Variants in SEMA5A observed in about 807,000 individuals in gnomAD.
SEMA5A encodes semaphorin 5A.
Under a neutral mutation model 135.5 loss-of-function variants are expected in SEMA5A, and 55 were observed. The observed-to-expected ratio is 0.41, with a 90% confidence interval of 0.33 to 0.51. The LOEUF is 0.51. Among genes scored for constraint, SEMA5A ranks in the 20% least tolerant of loss-of-function variants. The pLI is 0.37. For synonymous variants in SEMA5A, 580 were observed against 546.5 expected, an observed-to-expected ratio of 1.06 and a Z score of -0.85; for missense variants, 1,290 against 1,419.9, an observed-to-expected ratio of 0.91 and a Z score of 1.47.
intron 1 of SEMA5A, among the ~76,000 whole-genome samples, chr5:9,541,755 C>T (rs1460731658): frequency 2.0e-5 from 3 of 152,152 alleles, no homozygotes; most frequent in Non-Finnish European, 4.4e-5. Flanking sequence ...TTTTCTTGAT[C>T]CACTGTTGTG....
intron 1 of SEMA5A, among the ~76,000 whole-genome samples, chr5:9,501,192 T>C (rs939018856): frequency 4.4e-4 from 67 of 152,236 alleles, no homozygotes; most frequent in African/African-American, 1.5e-3. Context: ...AGCAGTTTCA[T>C]GCAATTGTGT....
intron 4 of SEMA5A, among the ~76,000 whole-genome samples, chr5:9,330,165 C>T (rs574073197): frequency 6.6e-6 from 1 of 151,474 alleles, no homozygotes; most frequent in Non-Finnish European, 1.5e-5. Flanking sequence ...CCGAGGTGGG[C>T]GGATCGCCAG....
chr5:9,385,859 C>T (rs2387552), intron 2 of SEMA5A, among the ~76,000 whole-genome samples: 13,122 of 138,356 alleles, frequency 0.095, 646 homozygotes, highest in Middle Eastern at 0.12. Context: ...TGGAGTGCAA[C>T]GGCATGATCT....
intron 17 of SEMA5A, 102 bp downstream of exon 17, chr5:9,066,319 A>C: frequency 9.0e-7 from 1 of 1,108,336 alleles, no homozygotes; most frequent in African/African-American, 1.5e-5. Flanking sequence ...TAAGCCATAA[A>C]TAACCAAAAA....
At chr5:9,425,704 TAA>T (rs1440060478) in intron 2 of SEMA5A, among the ~76,000 whole-genome samples, 1 of 152,192 alleles carries the variant, frequency 6.6e-6, no homozygotes, top group Non-Finnish European at 1.5e-5. Context: ...CTCAGTGAAA[TAA>T]AACCAAGATT....
intron 5 of SEMA5A, among the ~76,000 whole-genome samples, chr5:9,274,723 G>A (rs1360980755): frequency 6.6e-6 from 1 of 152,170 alleles, no homozygotes; most frequent in Non-Finnish European, 1.5e-5. Flanking sequence ...ACCTGCTCCT[G>A]AATGACCACT....
At position 9,037,540 on chromosome 5, in the gene SEMA5A, A is replaced by G. The variant is rs188564096; in HGVS notation, c.*5357T>C. The G allele has an allele frequency of 2.0e-5, 3 of 152,346 alleles. No homozygotes were observed. The highest frequency in any genetic ancestry group is 1.9e-4 in the East Asian group (1 of 5,184). 9.4% of individuals were successfully genotyped at this position (152,346 alleles called of 1,614,324 possible). A position where few individuals can be genotyped will look rare whatever the true frequency, so the allele number is the denominator to read the frequency against. On this transcript the variant is annotated 3_prime_UTR_variant, in exon 23 of 23. Coordinates refer to ENST00000382496, the MANE Select transcript of SEMA5A (RefSeq NM_003966.3). ...TATCTTTGATCTATCTGCTAAAACA[A>G]TGTGTACAATGCATCTTTAATATAA... is the stretch of plus-strand genomic sequence containing the variant.
At chr5:9,051,491 G>C (rs952059730) in intron 20 of SEMA5A, among the ~76,000 whole-genome samples, 4 of 152,156 alleles carry the variant, frequency 2.6e-5, no homozygotes, top group Admixed American at 2.6e-4. Flanking sequence ...TAAAGAGAAT[G>C]GTGCTTTTTC....
chr5:9,325,381 T>C (rs552648195), intron 4 of SEMA5A, among the ~76,000 whole-genome samples: 2 of 152,280 alleles, frequency 1.3e-5, no homozygotes, highest in South Asian at 4.1e-4. Flanking sequence ...ACAAAGCTAT[T>C]AAGTTTGGCA....
intron 2 of SEMA5A, among the ~76,000 whole-genome samples, chr5:9,385,248 C>A (rs374837391): frequency 6.6e-6 from 1 of 152,090 alleles, no homozygotes; most frequent in Non-Finnish European, 1.5e-5. Context: ...TCATTCACTC[C>A]CACGCTACAA....
At chr5:9,255,614 G>T (rs1388235317) in intron 5 of SEMA5A, among the ~76,000 whole-genome samples, 1 of 152,122 alleles carries the variant, frequency 6.6e-6, no homozygotes, top group Non-Finnish European at 1.5e-5. Context: ...ATCACTAGCT[G>T]CTCCTTCTCA....
At chr5:9,413,268 A>G (rs530909622) in intron 2 of SEMA5A, among the ~76,000 whole-genome samples, 14 of 151,896 alleles carry the variant, frequency 9.2e-5, no homozygotes, top group Admixed American at 5.9e-4. Flanking sequence ...AACACAGGCC[A>G]CTTATGACAG....
intron 3 of SEMA5A, among the ~76,000 whole-genome samples, chr5:9,372,628 G>T (rs772865293): frequency 3.3e-5 from 5 of 151,896 alleles, no homozygotes; most frequent in Non-Finnish European, 5.9e-5. Context: ...GTAGCTGTGG[G>T]AGACACATAG....
intron 3 of SEMA5A, among the ~76,000 whole-genome samples, chr5:9,360,394 T>C (rs568491232): frequency 9.2e-5 from 14 of 152,318 alleles, no homozygotes; most frequent in South Asian, 6.2e-4. Context: ...AAAATACATA[T>C]AATTGAGAAA....
chr5:9,231,404 T>G (rs539579892), intron 6 of SEMA5A, among the ~76,000 whole-genome samples: 3 of 133,114 alleles, frequency 2.3e-5, no homozygotes, highest in African/African-American at 8.7e-5. Context: ...GAGGCGGAGC[T>G]TACAGTGAGC....
At chr5:9,113,119 G>C (rs1740331067) in intron 15 of SEMA5A, among the ~76,000 whole-genome samples, 1 of 152,170 alleles carries the variant, frequency 6.6e-6, no homozygotes, top group Non-Finnish European at 1.5e-5. Flanking sequence ...GTGAGAACCT[G>C]AAGCTGTGCC....
chr5:9,535,577 A>G (rs560357799), intron 1 of SEMA5A, among the ~76,000 whole-genome samples: 3 of 72,810 alleles, frequency 4.1e-5, no homozygotes, highest in Non-Finnish European at 9.9e-5. Context: ...TTGTTTAAAA[A>G]AAAAATGCAG....
At chr5:9,127,488 G>T (rs1741179432) in intron 13 of SEMA5A, among the ~76,000 whole-genome samples, 1 of 152,136 alleles carries the variant, frequency 6.6e-6, no homozygotes, top group Non-Finnish European at 1.5e-5. Context: ...ATGGCATGGA[G>T]ATCTACCTGT....
At position 9,042,480 on chromosome 5, in the gene SEMA5A, ACTT is replaced by A. The variant is rs2150022518; in HGVS notation, c.*414_*416del. ...TTTATGAAATATTATGGACCTATGCACTTCTTGTGGAAGGAGCAGGTCTTTCAG... is the reference window on the plus strand; with the variant it reads ...TTTATGAAATATTATGGACCTATGCACTTGTGGAAGGAGCAGGTCTTTCAG... On this transcript the variant is annotated 3_prime_UTR_variant, in exon 23 of 23. Transcript: ENST00000382496. The A allele has an allele frequency of 4.8e-6, 1 of 209,818 alleles. No homozygotes were observed. The highest frequency in any genetic ancestry group is 1.6e-4 in the East Asian group (1 of 6,064). 13.0% of individuals were successfully genotyped at this position (209,818 alleles called of 1,614,324 possible).
Sources: allele counts gnomAD v4.1 joint callset (sites outside exome capture counted in the v4.1 genomes callset), GRCh38; gene constraint gnomAD v4.1.1; transcripts MANE v1.5; gene names NCBI Gene and HGNC (gene_info 2026-07-23, HGNC 2026-07-21).